The following DNAJB4 variants were observed in gnomAD, a reference collection of about 807,000 sequenced individuals.
The protein encoded by DNAJB4 is dnaJ homolog subfamily B member 4.
In DNAJB4, 10 loss-of-function variants were observed where a neutral mutation model predicts 26.6. The ratio of observed to expected loss-of-function variants is 0.38; its 90% CI spans 0.23 to 0.64. DNAJB4 has a LOEUF of 0.64. Among genes scored for constraint, DNAJB4 ranks in the 30% least tolerant of loss-of-function variants. The pLI is 0.58. For missense variants in DNAJB4, 328 were observed against 408.2 expected (o/e 0.80, Z 1.69); for synonymous variants, 136 against 134.8 (o/e 1.01, Z -0.06).
Position 78,013,420 on chromosome 1 carries a change from G to C in DNAJB4, c.581G>C (p.Arg194Thr), listed in dbSNP as rs749254210. 1 of 1,614,138 alleles carries C rather than the reference G, an allele frequency of 6.2e-7. No homozygotes were observed. Among genetic ancestry groups the C allele is most frequent in the Admixed American group, 1.7e-5 (1 of 60,016 alleles). Residue 194 changes from arginine (R) to threonine (T), a missense_variant, in exon 2 of 3, where the codon AGA (arginine) becomes ACA (threonine). By Grantham distance (71) the Arg-to-Thr change is moderately conservative (BLOSUM62 -1). Coordinates refer to ENST00000370763, the MANE Select transcript of DNAJB4 (RefSeq NM_007034.5). ...CTAAACGCTGATGGAAGGAGTTACA[G>C]ATCTGAGGACAAAATTCTTACCATT... is the stretch of plus-strand genomic sequence containing the variant. ...KRLNADGRSY[R>T]SEDKILTIEI...
upstream of DNAJB4, chr1:77,979,212 AAC>A (rs1294287637): frequency 2.7e-5 from 15 of 557,616 alleles, 1 homozygote; most frequent in South Asian, 3.6e-4. Context: ...GAACGACAGG[AAC>A]AGAGACGTCG....
At chr1:78,011,942 T>C (rs909800752) in intron 1 of DNAJB4, among the ~76,000 whole-genome samples, 4 of 148,638 alleles carry the variant, frequency 2.7e-5, no homozygotes, top group Non-Finnish European at 5.9e-5. Flanking sequence ...TTTATTAATA[T>C]ATTTATATTT....
Position 78,016,479 on chromosome 1 carries a change from T to G in DNAJB4, c.*232T>G. On this transcript the variant is annotated 3_prime_UTR_variant, in exon 3 of 3. Transcript: ENST00000370763. ...TATTTCATTTCTCCTGATTCAGATA[T>G]TTTTAGTAATTTGCTTATATGTAAA... The G allele has an allele frequency of 2.0e-6, 1 of 500,474 alleles. No individual in the cohort carries two copies. The highest frequency in any genetic ancestry group is 3.5e-6 in the Non-Finnish European group (1 of 286,120). The allele number at this position is 500,474 out of a possible 1,614,324, so 31.0% of individuals were successfully genotyped here. A position where few individuals can be genotyped will look rare whatever the true frequency, so the allele number is the denominator to read the frequency against.
chr1:78,016,475 G>T lies in DNAJB4; in HGVS notation c.*228G>T, dbSNP rs114634955. ...ATTTTATTTCATTTCTCCTGATTCA[G>T]ATATTTTTAGTAATTTGCTTATATG... On this transcript the variant is annotated 3_prime_UTR_variant, in exon 3 of 3. Transcript: ENST00000370763. 3,134 of 508,318 alleles carry T rather than the reference G, an allele frequency of 6.2e-3. 73 individuals are homozygous for T. Among genetic ancestry groups the T allele is most frequent in the African/African-American group, 0.053 (2,749 of 51,622 alleles). 31.5% of individuals were successfully genotyped at this position (508,318 alleles called of 1,614,324 possible).
chr1:78,007,501 A>G (rs886320028), intron 1 of DNAJB4, among the ~76,000 whole-genome samples: 3 of 152,202 alleles, frequency 2.0e-5, no homozygotes, highest in African/African-American at 7.2e-5. Context: ...GAATCACTTG[A>G]ACCCAAGAGG....
intron 1 of DNAJB4, among the ~76,000 whole-genome samples, chr1:77,984,833 C>A (rs34517439): frequency 0.072 from 10,926 of 152,280 alleles, 590 homozygotes; most frequent in Non-Finnish European, 0.11. Context: ...TTCACACAAA[C>A]TTTTCTTAGA....
chr1:78,016,419 G>C lies in DNAJB4; in HGVS notation c.*172G>C. On this transcript the variant is annotated 3_prime_UTR_variant, in exon 3 of 3. Coordinates refer to ENST00000370763, the MANE Select transcript of DNAJB4 (RefSeq NM_007034.5). ...TAAATAGGCAAAAGGGATTTTTACA[G>C]TTAGAGATAAAAGAGAAAACCATTC... The C allele has an allele frequency of 1.7e-6, 1 of 584,254 alleles. No individual in the cohort carries two copies. Among genetic ancestry groups the C allele is most frequent in the South Asian group, 2.4e-5 (1 of 42,344 alleles). 36.2% of individuals were successfully genotyped at this position (584,254 alleles called of 1,614,324 possible).
At chr1:77,998,158 T>A (rs1660109031) in intron 1 of DNAJB4, among the ~76,000 whole-genome samples, 1 of 152,176 alleles carries the variant, frequency 6.6e-6, no homozygotes, top group African/African-American at 2.4e-5. Flanking sequence ...CTAGAATGAG[T>A]TGAATGAGAG....
chr1:77,979,305 T>TA, upstream of DNAJB4: 1 of 372,954 alleles, frequency 2.7e-6, no homozygotes, highest in Non-Finnish European at 5.0e-6. Flanking sequence ...TGAGGCTGGG[T>TA]AATTGTTCCT....
chr1:78,015,177 T>G (rs1343828435), intron 2 of DNAJB4, among the ~76,000 whole-genome samples: 5 of 152,220 alleles, frequency 3.3e-5, no homozygotes, highest in African/African-American at 7.2e-5. Context: ...GTGTTCATGG[T>G]CCCTATAAGG....
chr1:77,979,446 A>G (rs1444657170), upstream of DNAJB4: 1 of 164,002 alleles, frequency 6.1e-6, no homozygotes, highest in East Asian at 1.3e-4. Flanking sequence ...GCTATGGGTC[A>G]TTCTCGGTGT....
At chr1:78,003,661 G>C (rs1391954161), upstream of DNAJB4, among the ~76,000 whole-genome samples, 2 of 151,910 alleles carry the variant, frequency 1.3e-5, no homozygotes, top group Non-Finnish European at 2.9e-5. Context: ...CTCTCTAATA[G>C]AAATGGGAAC....
intron 1 of DNAJB4, among the ~76,000 whole-genome samples, chr1:77,990,587 A>G (rs1245499948): frequency 6.6e-6 from 1 of 152,256 alleles, no homozygotes; most frequent in East Asian, 1.9e-4. Context: ...GAAGTAGCAT[A>G]GATGAAGGGG....
chr1:78,000,333 A>G (rs1428132462), upstream of DNAJB4, among the ~76,000 whole-genome samples: 2 of 152,130 alleles, frequency 1.3e-5, no homozygotes, highest in Non-Finnish European at 2.9e-5. Context: ...AATCCTCACA[A>G]CAATCCTAAA....
chr1:77,991,137 AG>A (rs1463654502), intron 1 of DNAJB4, among the ~76,000 whole-genome samples: 1 of 152,188 alleles, frequency 6.6e-6, no homozygotes, highest in Non-Finnish European at 1.5e-5. Context: ...CTCCTGGAGT[AG>A]GGAAGAGGGA....
intron 1 of DNAJB4, among the ~76,000 whole-genome samples, chr1:77,981,516 G>A (rs1659647521): frequency 1.3e-5 from 2 of 152,236 alleles, no homozygotes; most frequent in South Asian, 4.2e-4. Context: ...GTTTCACCAT[G>A]TTGGCCAGGC....
At chr1:78,008,832 C>G (rs1660394652) in intron 1 of DNAJB4, among the ~76,000 whole-genome samples, 1 of 152,100 alleles carries the variant, frequency 6.6e-6, no homozygotes, top group South Asian at 2.1e-4. Context: ...TTCTGAACCA[C>G]TCTCTAAAGT....
At position 77,989,514 on chromosome 1, in the gene DNAJB4, C is replaced by T. The variant is rs1318185721; in HGVS notation, c.-32+9192C>T. Among the ~76,000 whole-genome samples the T allele has an allele frequency of 2.0e-5, 3 of 152,154 alleles. No homozygotes were observed. The East Asian group carries it at 5.8e-4, about 29-fold the overall frequency. On this transcript the variant is annotated intron_variant, in intron 1 of 2. Coordinates refer to the DNAJB4 transcript ENST00000426517. The stretch of plus-strand genomic sequence containing the variant: ...CTTTTATTGGTCACAATTCTATCTA[C>T]CTCATAGAATTCTGAGAGACTAAAT...
upstream of DNAJB4, chr1:77,979,361 G>A (rs997880313): frequency 4.0e-6 from 1 of 247,602 alleles, no homozygotes; most frequent in Non-Finnish European, 7.9e-6. Flanking sequence ...ACTGTGTTTG[G>A]GTGGTGGGAA....
Sources: allele counts gnomAD v4.1 joint callset (sites outside exome capture counted in the v4.1 genomes callset), GRCh38; gene constraint gnomAD v4.1.1; transcripts MANE v1.5; gene names NCBI Gene and HGNC (gene_info 2026-07-23, HGNC 2026-07-21).